Variants in TRAFD1 observed in about 807,000 individuals in gnomAD.
The protein encoded by TRAFD1 is TRAF-type zinc finger domain-containing protein 1.
A neutral mutation model predicts 65.3 loss-of-function variants in TRAFD1; 38 were observed. The observed-to-expected ratio is 0.58, with a 90% CI of 0.45 to 0.76. TRAFD1 has a LOEUF of 0.76. TRAFD1 is among the 30% of genes least tolerant of loss of function. TRAFD1 has a pLI of 0.00. For synonymous variants in TRAFD1, 223 were observed against 257.2 expected, an observed-to-expected ratio of 0.87 and a Z score of 1.27; for missense variants, 631 against 712.6, an observed-to-expected ratio of 0.89 and a Z score of 1.30.
In TRAFD1 at chr12:112,142,262, C is replaced by T; in HGVS notation, c.817C>T (p.His273Tyr). ...GGCCGTATGTGAGGCCGACCAGTCT[C>T]ATGGCGGTCCCAGGTCTCTCAGTGA... ...WRAVCEADQS[H>Y]GGPRSLSDIK... The change falls in exon 6 of 12, where the codon CAT becomes TAT. Residue 273 changes from histidine to tyrosine, a missense_variant. Coordinates refer to ENST00000412615, the MANE Select transcript of TRAFD1 (RefSeq NM_006700.3). 1 of 1,613,854 alleles carries T rather than the reference C, an allele frequency of 6.2e-7. No homozygotes were observed. The highest frequency in any genetic ancestry group is 8.5e-7 in the Non-Finnish European group (1 of 1,179,810).
chr12:112,129,766 G>C (rs1041469736), intron 1 of TRAFD1, among the ~76,000 whole-genome samples: 3 of 150,312 alleles, frequency 2.0e-5, no homozygotes, highest in African/African-American at 7.4e-5. Flanking sequence ...CCTCAGCCTC[G>C]CGAGTAGCTG....
In TRAFD1 at chr12:112,137,244, C is replaced by G. The variant is rs1275016529; in HGVS notation, c.237+2178C>G. Among the ~76,000 whole-genome samples the G allele has an allele frequency of 6.6e-6, 1 of 152,090 alleles. No homozygotes were observed. The highest frequency in any genetic ancestry group is 1.5e-5 in the Non-Finnish European group (1 of 68,012). ...TCTAAAACAAACAAAAAAAAACTGG[C>G]TCACCTTGTTTTCAAGTGTTGACAT... On this transcript the variant is annotated intron_variant, in intron 4 of 11. Coordinates refer to ENST00000412615, the MANE Select transcript of TRAFD1 (RefSeq NM_006700.3). The surrounding 1 kb of genome is among the most constrained non-coding windows in gnomAD (Gnocchi z 4.2).
chr12:112,128,615 T>C (rs186054773), intron 1 of TRAFD1, among the ~76,000 whole-genome samples: 1 of 152,218 alleles, frequency 6.6e-6, no homozygotes, highest in Non-Finnish European at 1.5e-5. Flanking sequence ...GTTGACATCA[T>C]GTACCTTCTG....
Position 112,127,762 on chromosome 12 carries a change from G to C in TRAFD1, c.-13+2144G>C, listed in dbSNP as rs186266380. 1.4e-3 allele frequency among the ~76,000 whole-genome samples: 211 copies of C among 151,636 alleles called. 1 individual carries two copies. The highest frequency in any genetic ancestry group is 4.8e-3 in the African/African-American group (197 of 41,294). On this transcript the variant is annotated intron_variant, in intron 1 of 11. Transcript: ENST00000412615. The stretch of plus-strand genomic sequence containing the variant: ...CTCACTGCAAGCTCTTTTTAGTAGA[G>C]ACTGGGTTTCACCATGTTAGGCAGG...
intron 8 of TRAFD1, 95 bp downstream of exon 8, chr12:112,148,399 C>A: frequency 9.2e-7 from 1 of 1,086,320 alleles, no homozygotes; most frequent in South Asian, 1.5e-5. Context: ...AGTTGCATTC[C>A]ATCCTGACAA....
At position 112,151,949 on chromosome 12, in the gene TRAFD1, C is replaced by A. The variant is rs756624403; in HGVS notation, c.1428C>A (p.Cys476Ter). Residue 476 changes from cysteine (C) to a stop codon, truncating the protein, a stop_gained, in exon 10 of 12, where the codon TGC becomes TGA. Transcript: ENST00000412615. LOFTEE classifies it high-confidence loss of function. Reference protein sequence around the residue: ...SRSTSGPRPGCQPSSPCVPKL... With the variant: ...SRSTSGPRPG The stretch of plus-strand genomic sequence containing the variant: ...CAACATCAGGCCCCAGACCTGGGTG[C>A]CAGCCCAGCTCTCCTTGTGTGCCGA... 48 of 1,614,116 alleles carry A rather than the reference C, an allele frequency of 3.0e-5. No homozygotes were observed. Among genetic ancestry groups the A allele is most frequent in the Non-Finnish European group, 4.1e-5 (48 of 1,180,058 alleles).
At position 112,130,440 on chromosome 12, in the gene TRAFD1, T is replaced by C; in HGVS notation, c.-12-71T>C. On this transcript the variant is annotated intron_variant, in intron 1 of 11. Transcript: ENST00000412615. This position sits in a 1 kb window ranked among gnomAD's most constrained non-coding sequence, Gnocchi z 4.4. ...CAGTTTCTGTATACTAGTTTTTTAT[T>C]TGTTTTTTTGCATGTCATCTTTAAA... 2 of 1,290,046 alleles carry C rather than the reference T, an allele frequency of 1.6e-6. No individual in the cohort carries two copies. Among genetic ancestry groups the C allele is most frequent in the South Asian group, 2.5e-5 (2 of 80,382 alleles). 79.9% of individuals were successfully genotyped at this position (1,290,046 alleles called of 1,614,324 possible).
At chr12:112,140,107 C>A in intron 4 of TRAFD1, 1 of 329,376 alleles carries the variant, frequency 3.0e-6, no homozygotes, top group Admixed American at 4.1e-5. Context: ...AGTTTCTTTT[C>A]CTCATTATTA....
chr12:112,144,129 G>A lies in TRAFD1; in HGVS notation c.851-1457G>A, dbSNP rs908733891. On this transcript the variant is annotated intron_variant, in intron 6 of 11. Coordinates refer to ENST00000412615, the MANE Select transcript of TRAFD1 (RefSeq NM_006700.3). ...TGTTTCTTTGCTATGTTGTTTCTGC[G>A]TCTCCTGTTCATGGAGGCTTGCTAC... Among the ~76,000 whole-genome samples, 8 of 152,128 alleles carry A rather than the reference G, an allele frequency of 5.3e-5. No individual in the cohort carries two copies. In the East Asian group the frequency reaches 5.8e-4, roughly 11 times the overall value.
At chr12:112,140,140 G>T (rs1394592968) in intron 4 of TRAFD1, 2 of 339,786 alleles carry the variant, frequency 5.9e-6, no homozygotes, top group African/African-American at 2.2e-5. Context: ...TGAATTGGAG[G>T]CCGGGCGTGG....
At chr12:112,128,713 A>G (rs1222407363) in intron 1 of TRAFD1, among the ~76,000 whole-genome samples, 40 of 152,128 alleles carry the variant, frequency 2.6e-4, no homozygotes, top group Admixed American at 2.6e-3. Context: ...AGAAAATATC[A>G]GACAAACCCA....
rs147627940 is a variant in TRAFD1, at chr12:112,145,466, A to G, written c.851-120A>G. ...AGAATATACAGCCCCACAAATTGCT[A>G]TCTATAAGAAACATTAAAGAAAGCC... On this transcript the variant is annotated intron_variant, in intron 6 of 11. Coordinates refer to ENST00000412615, the MANE Select transcript of TRAFD1 (RefSeq NM_006700.3). 1.5e-4 allele frequency: 136 copies of G among 926,778 alleles called. 3 individuals carry two copies. The highest frequency in any genetic ancestry group is 8.6e-4 in the African/African-American group (52 of 60,644). The allele number at this position is 926,778 out of a possible 1,614,324, so 57.4% of individuals were successfully genotyped here.
chr12:112,131,649 T>C (rs2079566726), intron 2 of TRAFD1, among the ~76,000 whole-genome samples: 1 of 152,206 alleles, frequency 6.6e-6, no homozygotes, highest in Admixed American at 6.6e-5. Context: ...CTTGAGACTT[T>C]TAGCAGTTTT....
Position 112,151,845 on chromosome 12 carries a change from G to C in TRAFD1, c.1324G>C (p.Ala442Pro). 1.2e-6 allele frequency: 2 copies of C among 1,614,204 alleles called. No individual in the cohort carries two copies. The highest frequency in any genetic ancestry group is 1.3e-5 in the African/African-American group (1 of 75,058). Reference protein sequence around the residue: ...GYLDDTKQETANGPTSCLPPS... With the variant: ...GYLDDTKQETPNGPTSCLPPS... ...CCTGGATGATACTAAGCAGGAAACA[G>C]CTAATGGGCCCACCTCCTGTCTGCC... The change falls in exon 10 of 12, where the codon GCT becomes CCT. Residue 442 changes from alanine to proline, a missense_variant. Transcript: ENST00000412615.
intron 5 of TRAFD1, among the ~76,000 whole-genome samples, chr12:112,141,673 C>G (rs2030094126): frequency 6.6e-6 from 1 of 152,168 alleles, no homozygotes; most frequent in African/African-American, 2.4e-5. Flanking sequence ...TTCCCTTAGG[C>G]ATTTGCAAAG....
chr12:112,148,132 G>A lies in TRAFD1; in HGVS notation c.986G>A (p.Arg329Lys), dbSNP rs752089834. The part of the protein sequence containing the change: ...PSLNTGSSSP[R>K]GVEEPDVIFQ... Reference sequence around the variant, plus strand: ...CTCAATACTGGCAGCTCTTCCCCCAGAGGGGTGGAGGAACCTGATGTCATC... The same window carrying A: ...CTCAATACTGGCAGCTCTTCCCCCAAAGGGGTGGAGGAACCTGATGTCATC... The change falls in exon 8 of 12, where the codon AGA becomes AAA. Residue 329 changes from arginine to lysine, a missense_variant. By Grantham distance (26) the Arg-to-Lys change is conservative. Coordinates refer to ENST00000412615, the MANE Select transcript of TRAFD1 (RefSeq NM_006700.3). The A allele has an allele frequency of 1.2e-6, 2 of 1,614,134 alleles. No homozygotes were observed. The highest frequency in any genetic ancestry group is 1.7e-6 in the Non-Finnish European group (2 of 1,180,008).
At chr12:112,142,611 C>T (rs1467574565) in intron 6 of TRAFD1, among the ~76,000 whole-genome samples, 1 of 151,490 alleles carries the variant, frequency 6.6e-6, no homozygotes, top group Non-Finnish European at 1.5e-5. Context: ...GATTGTGCCA[C>T]TGCACTCCAG....
In TRAFD1 at chr12:112,148,278, G is replaced by C. The variant is rs1221481071; in HGVS notation, c.1132G>C (p.Glu378Gln). 6.2e-7 allele frequency: 1 copy of C among 1,614,168 alleles called. No individual in the cohort carries two copies. Among genetic ancestry groups the C allele is most frequent in the Admixed American group, 1.7e-5 (1 of 60,024 alleles). The change falls in exon 8 of 12, where the codon GAA becomes CAA. Residue 378 changes from glutamate to glutamine, a missense_variant. Transcript: ENST00000412615. The part of the protein sequence containing the change: ...IPCEFCGVQL[E>Q]EEVLFHHQDQ... ...ATGTGAATTCTGTGGGGTACAGCTG[G>C]AAGAGGAGGTGCTGTTCCATCACCA...
chr12:112,139,254 G>A (rs1262563163), intron 4 of TRAFD1, among the ~76,000 whole-genome samples: 1 of 151,998 alleles, frequency 6.6e-6, no homozygotes, highest in African/African-American at 2.4e-5. Flanking sequence ...GGAGGCTGAG[G>A]TGGGAGGATT....
Sources: gnomAD v4.1 joint callset for allele counts (sites outside exome capture counted in the v4.1 genomes callset) on GRCh38, gnomAD v4.1.1 for gene constraint, Gnocchi (gnomAD v3.1) non-coding constraint, MANE v1.5 for transcripts, NCBI Gene and HGNC (gene_info 2026-07-23, HGNC 2026-07-21) for gene names.